The following RUNX2 variants were observed in gnomAD, a reference collection of about 807,000 sequenced individuals.
RUNX2 encodes the protein runt-related transcription factor 2.
In RUNX2, 10 loss-of-function variants were observed where a neutral mutation model predicts 51.7. The ratio of observed to expected loss-of-function variants is 0.19; its 90% confidence interval spans 0.12 to 0.33. RUNX2 has a LOEUF of 0.33. Ranked by LOEUF, RUNX2 falls within the 10% of genes least tolerant of loss-of-function variation. The pLI, the probability that RUNX2 is intolerant of heterozygous loss-of-function variation, is 1.00. For missense variants in RUNX2, 562 were observed against 691.3 expected (o/e 0.81, Z 2.10); for synonymous variants, 276 against 273.6 (o/e 1.01, Z -0.09).
At chr6:45,491,653 G>A (rs1032590908) in intron 5 of RUNX2, among the ~76,000 whole-genome samples, 1 of 141,498 alleles carries the variant, frequency 7.1e-6, no homozygotes, top group South Asian at 2.2e-4. Flanking sequence ...TTTACTGAGA[G>A]GGCCAGAGAA....
At chr6:45,503,156 A>G (rs2150414385) in intron 6 of RUNX2, among the ~76,000 whole-genome samples, 1 of 152,232 alleles carries the variant, frequency 6.6e-6, no homozygotes, top group South Asian at 2.1e-4. Flanking sequence ...TGGTACCATG[A>G]ACATCTCTTT....
intron 5 of RUNX2, among the ~76,000 whole-genome samples, chr6:45,444,545 A>G (rs970967851): frequency 6.6e-6 from 1 of 152,180 alleles, no homozygotes; most frequent in African/African-American, 2.4e-5. Context: ...AGTATAGGGT[A>G]CTGTTGGTAT....
intron 6 of RUNX2, among the ~76,000 whole-genome samples, chr6:45,493,758 T>G (rs1486332017): frequency 1.4e-5 from 2 of 140,970 alleles, no homozygotes; most frequent in East Asian, 4.0e-4. Context: ...GTGTGTGTGT[T>G]TGTAGAAGCA....
At position 45,527,353 on chromosome 6, in the gene RUNX2, T is replaced by C. The variant is rs140792454; in HGVS notation, c.1021+14946T>C. ...TAAGCAGGGTCTTGATATACACTGATTTATATTTTTCAAAGCTCACTCTGG... is the reference window on the plus strand; with the variant it reads ...TAAGCAGGGTCTTGATATACACTGACTTATATTTTTCAAAGCTCACTCTGG... On this transcript the variant is annotated intron_variant, in intron 7 of 8. Transcript: ENST00000647337. 2.8e-3 allele frequency among the ~76,000 whole-genome samples: 420 copies of C among 152,274 alleles called. 3 individuals carry two copies. Among genetic ancestry groups the C allele is most frequent in the African/African-American group, 9.7e-3 (402 of 41,548 alleles).
chr6:45,511,562 C>G (rs1801150864), intron 6 of RUNX2, among the ~76,000 whole-genome samples: 3 of 152,078 alleles, frequency 2.0e-5, no homozygotes, highest in African/African-American at 7.2e-5. Flanking sequence ...GGGTTATTTT[C>G]TGTTTTAGCT....
At chr6:45,455,032 T>C (rs1035234487) in intron 5 of RUNX2, among the ~76,000 whole-genome samples, 2 of 152,168 alleles carry the variant, frequency 1.3e-5, no homozygotes, top group Non-Finnish European at 2.9e-5. Context: ...GAGAATCGCT[T>C]GAACCTGGGA....
At chr6:45,374,987 A>C (rs1796580073) in intron 2 of RUNX2, among the ~76,000 whole-genome samples, 1 of 152,172 alleles carries the variant, frequency 6.6e-6, no homozygotes, top group Non-Finnish European at 1.5e-5. Flanking sequence ...CGGGTGGAGC[A>C]CTTGAGATCA....
intron 5 of RUNX2, 32 bp downstream of exon 5, chr6:45,438,083 A>G: frequency 7.4e-7 from 1 of 1,358,380 alleles, no homozygotes; most frequent in Non-Finnish European, 1.1e-6. Flanking sequence ...GAAGAAAGTA[A>G]TAGAGTTTCC....
chr6:45,492,359 C>G (rs551021199), intron 6 of RUNX2, among the ~76,000 whole-genome samples: 1 of 152,082 alleles, frequency 6.6e-6, no homozygotes, highest in African/African-American at 2.4e-5. Context: ...CAGTCTACAC[C>G]CTGGTGGAAC....
At chr6:45,392,707 ATT>A (rs35963405) in intron 2 of RUNX2, among the ~76,000 whole-genome samples, 537 of 147,102 alleles carry the variant, frequency 3.7e-3, no homozygotes, top group African/African-American at 6.4e-3. Context: ...GCCTAGATCT[ATT>A]TTTTTTTTTT....
At chr6:45,512,495 A>G in intron 7 of RUNX2, 88 bp downstream of exon 7, 2 of 1,417,238 alleles carry the variant, frequency 1.4e-6, no homozygotes, top group Admixed American at 1.7e-5. Flanking sequence ...CCATGCTCAC[A>G]GTGACTCTCT....
chr6:45,494,515 T>A (rs1800581925), intron 6 of RUNX2, among the ~76,000 whole-genome samples: 1 of 152,250 alleles, frequency 6.6e-6, no homozygotes, highest in East Asian at 1.9e-4. Context: ...GTTCTTTTTT[T>A]TTCAACATCC....
chr6:45,329,852 T>G (rs766450060), intron 2 of RUNX2, among the ~76,000 whole-genome samples: 3 of 151,936 alleles, frequency 2.0e-5, no homozygotes, highest in Admixed American at 1.3e-4. Flanking sequence ...CTTTATGATC[T>G]CCAACATGTT....
intron 5 of RUNX2, among the ~76,000 whole-genome samples, chr6:45,446,368 A>G (rs1798998192): frequency 6.6e-6 from 1 of 152,236 alleles, no homozygotes; most frequent in Admixed American, 6.5e-5. Context: ...AAAAACACAT[A>G]CATGCTTGAT....
At chr6:45,437,579 C>A (rs1282584740) in intron 4 of RUNX2, among the ~76,000 whole-genome samples, 2 of 152,146 alleles carry the variant, frequency 1.3e-5, no homozygotes, top group East Asian at 3.8e-4. Context: ...TAAATAAAGA[C>A]TTCTAAAATT....
chr6:45,512,416 C>G lies in RUNX2; in HGVS notation c.1021+9C>G, dbSNP rs772620371. The G allele has an allele frequency of 6.8e-6, 11 of 1,613,490 alleles. No homozygotes were observed. The highest frequency in any genetic ancestry group is 9.3e-6 in the Non-Finnish European group (11 of 1,179,888). On this transcript the variant is annotated intron_variant, in intron 7 of 8. Coordinates refer to ENST00000647337, the MANE Select transcript of RUNX2 (RefSeq NM_001024630.4). ...GCCTAGGCGCATTTCAGGTAAAGAC[C>G]GTGCTTTAACTAAAAATCCATCCCT...
chr6:45,428,110 T>C (rs1372643304), intron 3 of RUNX2, among the ~76,000 whole-genome samples: 1 of 152,186 alleles, frequency 6.6e-6, no homozygotes, highest in Non-Finnish European at 1.5e-5. Context: ...GCAGTACTTT[T>C]GTATTGGGTA....
At chr6:45,436,572 C>A (rs1346422422) in intron 4 of RUNX2, among the ~76,000 whole-genome samples, 1 of 152,048 alleles carries the variant, frequency 6.6e-6, no homozygotes, top group East Asian at 1.9e-4. Context: ...TTTTTTTCCC[C>A]TTGGCTATAG....
Position 45,546,975 on chromosome 6 carries a change from G to A in RUNX2, c.1236G>A (p.Met412Ile). The A allele has an allele frequency of 1.2e-6, 2 of 1,613,862 alleles. No individual in the cohort carries two copies. The highest frequency in any genetic ancestry group is 2.7e-5 in the African/African-American group (2 of 74,920). ...PPVTSGMSLG[M>I]SATTHYHTYL... ...TCACCTCAGGCATGTCCCTCGGTAT[G>A]TCCGCCACCACTCACTACCACACCT... The change falls in exon 9 of 9, where the codon ATG becomes ATA. Residue 412 changes from methionine (M) to isoleucine (I), a missense_variant. Met to Ile is a conservative substitution (Grantham distance 10). Around this residue, in one of 5 missense-constraint regions of RUNX2, gnomAD observed 304 missense variants for 353.2 expected, o/e 0.86. Transcript: ENST00000647337.
Sources: gnomAD v4.1 joint callset for allele counts (sites outside exome capture counted in the v4.1 genomes callset) on GRCh38, gnomAD v4.1.1 for gene constraint, gnomAD v4.1.1 regional missense constraint, MANE v1.5 for transcripts, NCBI Gene and HGNC (gene_info 2026-07-23, HGNC 2026-07-21) for gene names.